AOPEP: variants seen among roughly 807,000 people sequenced by gnomAD.
AOPEP encodes aminopeptidase O.
A neutral mutation model predicts 98.1 loss-of-function variants in AOPEP; 77 were observed. The ratio of observed to expected loss-of-function variants is 0.78; its 90% CI spans 0.65 to 0.95. The LOEUF (loss-of-function observed/expected upper bound fraction) is 0.95, where lower values mean the gene tolerates loss of function less well. Ranked by LOEUF, AOPEP falls within the 40% of genes least tolerant of loss-of-function variation. The pLI, the probability that AOPEP is intolerant of heterozygous loss-of-function variation, is 0.00. For missense variants in AOPEP, 1,024 were observed against 1,024.7 expected, an observed-to-expected ratio of 1.00 and a Z score of 0.01; for synonymous variants, 346 against 365.3, an observed-to-expected ratio of 0.95 and a Z score of 0.60.
chr9:95,026,485 A>G (rs900183122), intron 13 of AOPEP, among the ~76,000 whole-genome samples: 2 of 152,344 alleles, frequency 1.3e-5, no homozygotes, highest in East Asian at 3.9e-4. Flanking sequence ...TTCACTTAGC[A>G]TAACGTATTG....
the AOPEP span, chr9:95,126,396 G>A: frequency 1.1e-6 from 1 of 883,362 alleles, no homozygotes; most frequent in Non-Finnish European, 1.8e-6. Context: ...AAAAAGCTCA[G>A]AGGAACAGGA....
At chr9:94,945,779 G>A (rs1010676695) in intron 7 of AOPEP, among the ~76,000 whole-genome samples, 32 of 152,058 alleles carry the variant, frequency 2.1e-4, no homozygotes, top group African/African-American at 7.7e-4. Context: ...GTAAAATGAA[G>A]CCAATGTTTG....
At chr9:94,816,211 T>C (rs947074135) in intron 5 of AOPEP, among the ~76,000 whole-genome samples, 2 of 152,240 alleles carry the variant, frequency 1.3e-5, no homozygotes, top group African/African-American at 2.4e-5. Flanking sequence ...TAGTTCCAGT[T>C]GGGGTCATTG....
rs1183487077 is a variant in AOPEP at position 95,070,491 on chromosome 9, T to C, written c.2232+9681T>C. Among the ~76,000 whole-genome samples the C allele has an allele frequency of 2.0e-5, 3 of 152,346 alleles. No individual in the cohort carries two copies. In the South Asian group the frequency reaches 6.2e-4, roughly 32 times the overall value. On this transcript the variant is annotated intron_variant, in intron 14 of 16. Transcript: ENST00000375315. ...GAGTGCTTCCTGTTATAAATAGGACTGGTGGCATTCTTCAAAGCATTTTAT... is the reference window on the plus strand; with the variant it reads ...GAGTGCTTCCTGTTATAAATAGGACCGGTGGCATTCTTCAAAGCATTTTAT...
rs548073350 is a variant in AOPEP, at chr9:94,761,804, T to C, written c.797+1224T>C. Among the ~76,000 whole-genome samples, 10 of 152,346 alleles carry C rather than the reference T, an allele frequency of 6.6e-5. No individual in the cohort carries two copies. The East Asian group carries it at 1.9e-3, about 29-fold the overall frequency. ...GTACAAAAGCGTAGTGATTTATTTA[T>C]AGAATACCTTATTAGATAGTTTTTG... is the stretch of plus-strand genomic sequence containing the variant. On this transcript the variant is annotated intron_variant, in intron 2 of 16. Coordinates refer to ENST00000375315, the MANE Select transcript of AOPEP (RefSeq NM_001193329.3).
At chr9:94,791,779 A>C (rs148124561) in intron 3 of AOPEP, among the ~76,000 whole-genome samples, 1 of 152,160 alleles carries the variant, frequency 6.6e-6, no homozygotes, top group Non-Finnish European at 1.5e-5. Flanking sequence ...CTCATGATGC[A>C]GTTTATCCAA....
intron 5 of AOPEP, among the ~76,000 whole-genome samples, chr9:94,831,033 T>A (rs1855856884): frequency 6.6e-6 from 1 of 152,242 alleles, no homozygotes; most frequent in Non-Finnish European, 1.5e-5. Flanking sequence ...TTTATTTTTC[T>A]GTACAGAAGC....
chr9:95,022,805 TTGTC>T (rs571398229), intron 13 of AOPEP, among the ~76,000 whole-genome samples: 146 of 152,312 alleles, frequency 9.6e-4, no homozygotes, highest in Non-Finnish European at 1.5e-3. Context: ...GGAAAAATGT[TTGTC>T]TGTTGTGGAT....
chr9:95,106,715 G>A, the AOPEP span, among the ~76,000 whole-genome samples: 2 of 152,282 alleles, frequency 1.3e-5, no homozygotes, highest in South Asian at 2.1e-4. Context: ...CATTCTCATC[G>A]TGGCCTTACT....
rs77187425 is a variant in AOPEP at position 94,736,079 on chromosome 9, A to G, written c.-136+9328A>G. ...TTGATCCATTCATCAGTTGATGGTC[A>G]TTTGGTTGTTTTGCTGTGCGTATGT... On this transcript the variant is annotated intron_variant, in intron 1 of 16. Coordinates refer to ENST00000375315, the MANE Select transcript of AOPEP (RefSeq NM_001193329.3). 7.4e-3 allele frequency among the ~76,000 whole-genome samples: 1,134 copies of G among 152,234 alleles called. 15 individuals carry two copies. Among genetic ancestry groups the G allele is most frequent in the African/African-American group, 0.026 (1,094 of 41,542 alleles).
In AOPEP at chr9:94,847,187, GTCTC is replaced by G. The variant is rs147535375; in HGVS notation, c.1364+46198_1364+46201del. Among the ~76,000 whole-genome samples, 8 of 135,240 alleles carry G rather than the reference GTCTC, an allele frequency of 5.9e-5. No homozygotes were observed. The Admixed American group carries it at 6.0e-4, about 10-fold the overall frequency. The allele number at this position is 135,240 out of a possible 152,430, so 88.7% of individuals were successfully genotyped here. ...TCTCTCTCTCTCTCTCTCTGTCTCT[GTCTC>G]TCTCTCTCTCTCCACACATCCCCAC... On this transcript the variant is annotated intron_variant, in intron 5 of 16. Transcript: ENST00000375315.
At chr9:94,945,559 T>C (rs1270747832) in intron 7 of AOPEP, among the ~76,000 whole-genome samples, 1 of 152,200 alleles carries the variant, frequency 6.6e-6, no homozygotes, top group Non-Finnish European at 1.5e-5. Flanking sequence ...TGTACTGGGC[T>C]GAAAACCAGG....
chr9:95,045,628 C>T (rs2065793910), intron 13 of AOPEP, among the ~76,000 whole-genome samples: 1 of 152,206 alleles, frequency 6.6e-6, no homozygotes, highest in South Asian at 2.1e-4. Context: ...ACCAGTTACT[C>T]GTGTCAAGGA....
At chr9:94,946,738 A>G (rs1365506256) in intron 7 of AOPEP, among the ~76,000 whole-genome samples, 3 of 152,152 alleles carry the variant, frequency 2.0e-5, no homozygotes, top group Non-Finnish European at 2.9e-5. Context: ...TATATACCGC[A>G]TGCCTGGGAG....
At chr9:94,733,308 G>A (rs1039045554) in intron 1 of AOPEP, among the ~76,000 whole-genome samples, 2 of 151,874 alleles carry the variant, frequency 1.3e-5, no homozygotes, top group African/African-American at 4.8e-5. Flanking sequence ...ACATTTTGCC[G>A]TGTTGCTCAG....
chr9:95,105,652 C>CA, the AOPEP span, among the ~76,000 whole-genome samples: 9 of 152,194 alleles, frequency 5.9e-5, no homozygotes, highest in Non-Finnish European at 1.0e-4. Context: ...ACTGACTCCC[C>CA]ACCCTCTGCC....
the AOPEP span, among the ~76,000 whole-genome samples, chr9:95,124,022 T>C: frequency 4.8e-5 from 7 of 145,884 alleles, no homozygotes; most frequent in African/African-American, 1.8e-4. Context: ...GAGGATCACC[T>C]GAGCTTGGGG....
chr9:94,781,699 T>C (rs2133161685), intron 3 of AOPEP, among the ~76,000 whole-genome samples: 1 of 151,410 alleles, frequency 6.6e-6, no homozygotes, highest in African/African-American at 2.4e-5. Flanking sequence ...TAGCTGGGAC[T>C]ACAGGCACCC....
chr9:94,814,221 T>C (rs1054422956), intron 5 of AOPEP, among the ~76,000 whole-genome samples: 3 of 152,224 alleles, frequency 2.0e-5, no homozygotes, highest in African/African-American at 7.2e-5. Context: ...GGGCCTCATA[T>C]GATGGCTTAA....
Sources: allele counts gnomAD v4.1 joint callset (sites outside exome capture counted in the v4.1 genomes callset), GRCh38; gene constraint gnomAD v4.1.1; transcripts MANE v1.5; gene names NCBI Gene and HGNC (gene_info 2026-07-23, HGNC 2026-07-21).